AFF3: variants seen among roughly 807,000 people sequenced by gnomAD.
AFF3 encodes the protein AF4/FMR2 family member 3.
In AFF3, 32 loss-of-function variants were observed where a neutral mutation model predicts 129.7. That is an observed-to-expected ratio of 0.25 (90% confidence interval 0.19 to 0.33). The LOEUF (loss-of-function observed/expected upper bound fraction) is 0.33, where lower values mean the gene tolerates loss of function less well. Among genes scored for constraint, AFF3 ranks in the 10% least tolerant of loss-of-function variants. The probability of loss-of-function intolerance (pLI) is 1.00; values close to 1 mark genes in which losing one functional copy is unlikely to be tolerated. For missense variants in AFF3, 1,373 were observed against 1,592.0 expected (o/e 0.86, Z 2.34); for synonymous variants, 644 against 635.4 (o/e 1.01, Z -0.20).
In AFF3 at chr2:99,576,007, C is replaced by T. The variant is rs1193952939; in HGVS notation, c.2918+2320G>A. 7.9e-5 allele frequency among the ~76,000 whole-genome samples: 12 copies of T among 151,340 alleles called. No individual in the cohort carries two copies. The East Asian group carries it at 1.2e-3, about 15-fold the overall frequency. On this transcript the variant is annotated intron_variant, in intron 18 of 24. Coordinates refer to ENST00000672756, the MANE Select transcript of AFF3 (RefSeq NM_001386135.1). ...GGAGGGTTGTTTGAGGCCAGGAGTT[C>T]GAGACCAGCCTGGACAACATAGTGA...
rs558611465 is a variant in AFF3 at position 99,650,583 on chromosome 2, A to T, written c.1144-917T>A. Among the ~76,000 whole-genome samples the T allele has an allele frequency of 2.8e-3, 430 of 152,056 alleles. 2 individuals are homozygous for T. The highest frequency in any genetic ancestry group is 0.017 in the Middle Eastern group (5 of 294). On this transcript the variant is annotated intron_variant, in intron 12 of 24. Transcript: ENST00000672756. ...TCAAAAATAAATAAATAAAATAAAA[A>T]AATTTAAAAAATACAGTGGGAGAAG...
At chr2:99,820,731 C>A (rs1162623361) in intron 8 of AFF3, among the ~76,000 whole-genome samples, 1 of 52,776 alleles carries the variant, frequency 1.9e-5, no homozygotes, top group Non-Finnish European at 5.6e-5. Context: ...TCTTCTGTGA[C>A]CTTTTTCCTA....
chr2:100,116,333 TATTTACAGTTAATGTAATTAC>T (rs1691733921), intron 2 of AFF3, among the ~76,000 whole-genome samples: 2 of 152,180 alleles, frequency 1.3e-5, no homozygotes, highest in Non-Finnish European at 1.5e-5. Flanking sequence ...GAAATTAATC[TATTTACAGTTAATGTAATTAC>T]ATTTATATTG....
intron 7 of AFF3, among the ~76,000 whole-genome samples, chr2:99,944,764 G>A (rs926844026): frequency 3.3e-5 from 5 of 152,186 alleles, no homozygotes; most frequent in African/African-American, 1.2e-4. Context: ...CCTCTAGCCA[G>A]AGTGATATAT....
chr2:100,026,743 C>T (rs981735895), intron 4 of AFF3, among the ~76,000 whole-genome samples: 13 of 148,616 alleles, frequency 8.7e-5, no homozygotes, highest in African/African-American at 3.2e-4. Context: ...TGGAATACTA[C>T]TCAGCCATAA....
At chr2:99,654,695 C>T (rs1444044035) in intron 12 of AFF3, among the ~76,000 whole-genome samples, 1 of 152,146 alleles carries the variant, frequency 6.6e-6, no homozygotes, top group African/African-American at 2.4e-5. Flanking sequence ...GTCATTGATC[C>T]TTCCTGAGTT....
At chr2:99,847,219 A>T (rs1377543909) in intron 7 of AFF3, among the ~76,000 whole-genome samples, 1 of 152,072 alleles carries the variant, frequency 6.6e-6, no homozygotes, top group Non-Finnish European at 1.5e-5. Context: ...CTCGTTGGCC[A>T]GGCTGGAGTG....
chr2:99,939,369 A>G (rs1674814134), intron 7 of AFF3, among the ~76,000 whole-genome samples: 1 of 152,226 alleles, frequency 6.6e-6, no homozygotes, highest in African/African-American at 2.4e-5. Flanking sequence ...AACCTTCCTG[A>G]TGACACCATG....
intron 8 of AFF3, among the ~76,000 whole-genome samples, chr2:99,809,921 C>T (rs914530997): frequency 6.6e-6 from 1 of 152,130 alleles, no homozygotes; most frequent in African/African-American, 2.4e-5. Flanking sequence ...ATTCAGGAGA[C>T]CTCCAGTAAA....
intron 8 of AFF3, among the ~76,000 whole-genome samples, chr2:99,809,053 A>G (rs537857482): frequency 9.8e-5 from 15 of 152,376 alleles, no homozygotes; most frequent in African/African-American, 3.1e-4. Flanking sequence ...ACTGGAATTC[A>G]CATACCTAGA....
At chr2:99,889,475 A>T (rs1374583335) in intron 7 of AFF3, among the ~76,000 whole-genome samples, 4 of 152,214 alleles carry the variant, frequency 2.6e-5, no homozygotes, top group African/African-American at 7.2e-5. Flanking sequence ...TGTTCTCACT[A>T]TGACAGATTT....
intron 11 of AFF3, among the ~76,000 whole-genome samples, chr2:99,698,280 C>T (rs1306912659): frequency 6.6e-6 from 1 of 152,182 alleles, no homozygotes; most frequent in Non-Finnish European, 1.5e-5. Flanking sequence ...CCATATCTTC[C>T]AGCACCACTA....
At chr2:99,724,868 G>A (rs909332033) in intron 11 of AFF3, among the ~76,000 whole-genome samples, 3 of 152,104 alleles carry the variant, frequency 2.0e-5, no homozygotes, top group African/African-American at 7.2e-5. Flanking sequence ...CTAAGAAACC[G>A]TTTTGCTCAA....
intron 12 of AFF3, among the ~76,000 whole-genome samples, chr2:99,663,404 A>T (rs1686412897): frequency 6.6e-6 from 1 of 152,230 alleles, no homozygotes; most frequent in Non-Finnish European, 1.5e-5. Flanking sequence ...TTGATGAAGC[A>T]AGGCTTTACA....
chr2:99,890,180 C>A (rs1034833397), intron 7 of AFF3, among the ~76,000 whole-genome samples: 3 of 152,180 alleles, frequency 2.0e-5, no homozygotes, highest in Non-Finnish European at 4.4e-5. Context: ...CCAGCTCAGC[C>A]AGCGGTGCTC....
chr2:99,879,856 C>T (rs1692576381), intron 7 of AFF3, among the ~76,000 whole-genome samples: 1 of 151,982 alleles, frequency 6.6e-6, no homozygotes, highest in African/African-American at 2.4e-5. Context: ...TAGCTACAAA[C>T]TCTTTTAACA....
intron 7 of AFF3, among the ~76,000 whole-genome samples, chr2:99,970,427 C>T (rs572128998): frequency 1.3e-5 from 2 of 152,316 alleles, no homozygotes; most frequent in Non-Finnish European, 1.5e-5. Flanking sequence ...TTCCTTTCTT[C>T]ATTACTAAGT....
intron 1 of AFF3, among the ~76,000 whole-genome samples, chr2:100,130,725 A>G (rs1326150655): frequency 6.6e-6 from 1 of 152,186 alleles, no homozygotes; most frequent in Non-Finnish European, 1.5e-5. Context: ...TGGGTTGATG[A>G]GATCACTGGG....
intron 14 of AFF3, among the ~76,000 whole-genome samples, chr2:99,600,157 G>A (rs1297065633): frequency 6.6e-6 from 1 of 152,168 alleles, no homozygotes; most frequent in African/African-American, 2.4e-5. Flanking sequence ...ATAAATAGAT[G>A]GATAGATACA....
Sources: gnomAD v4.1 joint callset for allele counts (sites outside exome capture counted in the v4.1 genomes callset) on GRCh38, gnomAD v4.1.1 for gene constraint, MANE v1.5 for transcripts, NCBI Gene and HGNC (gene_info 2026-07-23, HGNC 2026-07-21) for gene names.